Variants in LRP6 observed in about 807,000 individuals in gnomAD.
The protein encoded by LRP6 is low-density lipoprotein receptor-related protein 6.
LRP6 carries 43 observed loss-of-function variants against 184.1 expected under a neutral mutation model. That is an observed-to-expected ratio of 0.23 (90% confidence interval 0.18 to 0.30). The LOEUF is 0.30. Ranked by LOEUF, LRP6 falls within the 10% of genes least tolerant of loss-of-function variation. The pLI is 1.00. For missense variants in LRP6, 1,571 were observed against 2,005.3 expected, an observed-to-expected ratio of 0.78 and a Z score of 4.14; for synonymous variants, 719 against 684.9, an observed-to-expected ratio of 1.05 and a Z score of -0.78.
intron 2 of LRP6, among the ~76,000 whole-genome samples, chr12:12,219,968 A>G (rs1864446018): frequency 6.6e-6 from 1 of 152,194 alleles, no homozygotes; most frequent in Non-Finnish European, 1.5e-5. Flanking sequence ...CAACAGCAAC[A>G]GCTAATTTAC....
intron 1 of LRP6, among the ~76,000 whole-genome samples, chr12:12,258,219 T>G (rs1450969571): frequency 6.6e-6 from 1 of 152,150 alleles, no homozygotes; most frequent in Non-Finnish European, 1.5e-5. Flanking sequence ...TGGGCTCAAG[T>G]GATCCTCCTG....
At chr12:12,155,481 T>A in intron 12 of LRP6, 1 of 904,820 alleles carries the variant, frequency 1.1e-6, no homozygotes, top group Non-Finnish European at 1.8e-6. Flanking sequence ...GCTGTTGGCA[T>A]TGTTGTAAAC....
At chr12:12,207,408 A>C (rs1312319842) in intron 2 of LRP6, among the ~76,000 whole-genome samples, 1 of 152,054 alleles carries the variant, frequency 6.6e-6, no homozygotes, top group Non-Finnish European at 1.5e-5. Context: ...AGTCCCAGCT[A>C]CTCAGGAGGC....
intron 1 of LRP6, among the ~76,000 whole-genome samples, chr12:12,248,575 G>A (rs904713720): frequency 8.2e-5 from 12 of 146,428 alleles, no homozygotes; most frequent in South Asian, 2.2e-4. Flanking sequence ...TCCGCCTCCC[G>A]GGTTCACGCC....
At chr12:12,141,176 A>G (rs1312286498) in intron 15 of LRP6, among the ~76,000 whole-genome samples, 1 of 151,824 alleles carries the variant, frequency 6.6e-6, no homozygotes, top group East Asian at 1.9e-4. Context: ...GAATGATGAG[A>G]AAGGGGAAGA....
At chr12:12,173,534 G>A (rs1305133807) in intron 7 of LRP6, among the ~76,000 whole-genome samples, 1 of 151,916 alleles carries the variant, frequency 6.6e-6, no homozygotes, top group Non-Finnish European at 1.5e-5. Flanking sequence ...ATAGAGATGG[G>A]GTTTTGCCAT....
At chr12:12,149,805 A>G (rs1311581362) in intron 13 of LRP6, among the ~76,000 whole-genome samples, 4 of 152,218 alleles carry the variant, frequency 2.6e-5, no homozygotes, top group Non-Finnish European at 4.4e-5. Context: ...TTTTTACAAT[A>G]AAGTCAAGCA....
chr12:12,167,724 T>C (rs1862925184), intron 7 of LRP6, among the ~76,000 whole-genome samples: 1 of 151,994 alleles, frequency 6.6e-6, no homozygotes, highest in Non-Finnish European at 1.5e-5. Context: ...TATAGCACAG[T>C]ATTAGGTGCA....
intron 4 of LRP6, among the ~76,000 whole-genome samples, chr12:12,184,462 G>A (rs1863420434): frequency 6.6e-6 from 1 of 151,616 alleles, no homozygotes; most frequent in Non-Finnish European, 1.5e-5. Flanking sequence ...TAAGTACAGA[G>A]TCAAATGGGA....
At chr12:12,253,678 G>C (rs1388621766) in intron 1 of LRP6, among the ~76,000 whole-genome samples, 1 of 150,586 alleles carries the variant, frequency 6.6e-6, no homozygotes, top group Non-Finnish European at 1.5e-5. Flanking sequence ...GCGGTGTTTG[G>C]TTTTTCGTCC....
chr12:12,186,388 C>T (rs902826195), intron 4 of LRP6, among the ~76,000 whole-genome samples: 3 of 151,906 alleles, frequency 2.0e-5, no homozygotes, highest in Non-Finnish European at 4.4e-5. Context: ...TTACATTTTC[C>T]CTTTTTTTTG....
At position 12,118,013 on chromosome 12, in the gene LRP6, T is replaced by G. The variant is rs1174321343; in HGVS notation, c.*3113A>C. 1 of 152,194 alleles carries G rather than the reference T, an allele frequency of 6.6e-6. No homozygotes were observed. Among genetic ancestry groups the G allele is most frequent in the South Asian group, 2.1e-4 (1 of 4,836 alleles). The allele number at this position is 152,194 out of a possible 1,614,324, so 9.4% of individuals were successfully genotyped here. On this transcript the variant is annotated 3_prime_UTR_variant, in exon 23 of 23. Coordinates refer to ENST00000261349, the MANE Select transcript of LRP6 (RefSeq NM_002336.3). ...ACCTATCATCTCTGTAGAATAGGTGTTCTCAAACTTACTAAAGAATCAGAG... is the reference window on the plus strand; with the variant it reads ...ACCTATCATCTCTGTAGAATAGGTGGTCTCAAACTTACTAAAGAATCAGAG...
chr12:12,236,226 CAAAAT>C (rs1447809216), intron 2 of LRP6, among the ~76,000 whole-genome samples: 1 of 149,322 alleles, frequency 6.7e-6, no homozygotes, highest in African/African-American at 2.4e-5. Context: ...AACTCCGTCT[CAAAAT>C]AAATAAATAA....
chr12:12,239,212 C>G (rs1380913490), intron 2 of LRP6, among the ~76,000 whole-genome samples: 1 of 152,186 alleles, frequency 6.6e-6, no homozygotes, highest in Non-Finnish European at 1.5e-5. Flanking sequence ...CAAGATCCTT[C>G]ATACACAGGG....
intron 10 of LRP6, among the ~76,000 whole-genome samples, chr12:12,161,546 C>A (rs1862742252): frequency 6.6e-6 from 1 of 152,206 alleles, no homozygotes; most frequent in Admixed American, 6.5e-5. Flanking sequence ...GCTGGGATTA[C>A]AAGCGTGAGC....
At chr12:12,223,548 T>C (rs57130265) in intron 2 of LRP6, among the ~76,000 whole-genome samples, 2,084 of 152,324 alleles carry the variant, frequency 0.014, 46 homozygotes, top group South Asian at 0.086. Flanking sequence ...TGGTAATACA[T>C]AGGTATGGGC....
intron 7 of LRP6, among the ~76,000 whole-genome samples, chr12:12,170,842 G>T (rs557039275): frequency 1.1e-3 from 162 of 145,730 alleles, no homozygotes; most frequent in African/African-American, 3.8e-3. Context: ...CGTCTTAGAT[G>T]AAAAAAACTA....
chr12:12,143,379 T>C (rs1353758378), intron 15 of LRP6, among the ~76,000 whole-genome samples: 1 of 152,236 alleles, frequency 6.6e-6, no homozygotes, highest in Non-Finnish European at 1.5e-5. Context: ...CATCTTAGTA[T>C]GTGATTTTTT....
intron 19 of LRP6, among the ~76,000 whole-genome samples, chr12:12,130,049 T>C (rs571180493): frequency 1.3e-5 from 2 of 152,300 alleles, no homozygotes; most frequent in African/African-American, 2.4e-5. Flanking sequence ...TGTTAAATCA[T>C]TTAATTTTCT....
Sources: allele counts gnomAD v4.1 joint callset (sites outside exome capture counted in the v4.1 genomes callset), GRCh38; gene constraint gnomAD v4.1.1; transcripts MANE v1.5; gene names NCBI Gene and HGNC (gene_info 2026-07-23, HGNC 2026-07-21).